Variants in STRBP observed in about 807,000 individuals in gnomAD.
STRBP encodes spermatid perinuclear RNA binding protein.
STRBP carries 13 observed loss-of-function variants against 80.1 expected under a neutral mutation model. That is an observed-to-expected ratio of 0.16 (90% CI 0.11 to 0.26). The LOEUF (loss-of-function observed/expected upper bound fraction) is 0.26, where lower values mean the gene tolerates loss of function less well. STRBP is among the 10% of genes least tolerant of loss of function. STRBP has a pLI of 1.00. For synonymous variants in STRBP, 284 were observed against 291.2 expected (o/e 0.98, Z 0.25); for missense variants, 485 against 815.2 (o/e 0.59, Z 4.93).
rs189751894 is a variant in STRBP, at chr9:123,162,425, C to T, written c.536-1357G>A. On this transcript the variant is annotated intron_variant, in intron 6 of 18. Transcript: ENST00000348403. ...TAGATATGGGATCTCACTATGTTAC[C>T]CAGGCTGGTCTCAAACTCCTGGACT... is the stretch of plus-strand genomic sequence containing the variant. Among the ~76,000 whole-genome samples, 5 of 152,110 alleles carry T rather than the reference C, an allele frequency of 3.3e-5. No individual in the cohort carries two copies. In the East Asian group the frequency reaches 9.7e-4, roughly 29 times the overall value.
intron 17 of STRBP, among the ~76,000 whole-genome samples, chr9:123,129,099 G>A (rs565932742): frequency 2.6e-5 from 4 of 152,308 alleles, no homozygotes; most frequent in African/African-American, 9.6e-5. Flanking sequence ...GCTCATGCCT[G>A]TAATCCCAGC....
chr9:123,133,126 CA>C (rs1371254542), intron 16 of STRBP, among the ~76,000 whole-genome samples, 158 bp from the exon 17 acceptor site: 1 of 152,148 alleles, frequency 6.6e-6, no homozygotes, highest in African/African-American at 2.4e-5. Context: ...ATCTGAAAAA[CA>C]AAAATGATAC....
In STRBP at chr9:123,136,520, A is replaced by G. The variant is rs1261230841; in HGVS notation, c.1498-5T>C. On this transcript the variant is annotated splice_region_variant and splice_polypyrimidine_tract_variant and intron_variant, in intron 14 of 18. Transcript: ENST00000348403. The surrounding 1 kb of genome is among the most constrained non-coding windows in gnomAD (Gnocchi z 4.2). ...GATAGGGCCCTGAGTTCTTACCTAT[A>G]AGAGAAAGGGAATCTGAAGGTTCAA... is the stretch of plus-strand genomic sequence containing the variant. 1 of 1,612,128 alleles carries G rather than the reference A, an allele frequency of 6.2e-7. No individual in the cohort carries two copies. The highest frequency in any genetic ancestry group is 1.3e-5 in the African/African-American group (1 of 74,820).
At chr9:123,228,910 G>GT (rs2040319857) in intron 2 of STRBP, among the ~76,000 whole-genome samples, 2 of 152,140 alleles carry the variant, frequency 1.3e-5, no homozygotes, top group African/African-American at 4.8e-5. Context: ...GGCATTTTTT[G>GT]TAACAGCCAA....
intron 16 of STRBP, among the ~76,000 whole-genome samples, chr9:123,134,249 G>GT (rs2036261320): frequency 6.6e-6 from 1 of 152,170 alleles, no homozygotes; most frequent in African/African-American, 2.4e-5. Flanking sequence ...GCAAGAAAGT[G>GT]GTGCAAAGCC....
intron 2 of STRBP, among the ~76,000 whole-genome samples, chr9:123,225,670 CT>C (rs761006612): frequency 6.6e-6 from 1 of 152,286 alleles, no homozygotes; most frequent in East Asian, 1.9e-4. Flanking sequence ...CTAGCACCCC[CT>C]GATGGTATTG....
chr9:123,203,287 C>T (rs543963993), intron 2 of STRBP, among the ~76,000 whole-genome samples: 1 of 151,494 alleles, frequency 6.6e-6, no homozygotes, highest in African/African-American at 2.4e-5. Flanking sequence ...TTGAGGCTGC[C>T]GTGAGCTATG....
chr9:123,122,170 A>T lies in STRBP; in HGVS notation c.*3427T>A. On this transcript the variant is annotated 3_prime_UTR_variant, in exon 19 of 19. Transcript: ENST00000348403. ...GTCTTAATTGACTATTTTTCTCTTT[A>T]ATCAGAAAATAAAAGAGCTTACCTT... 2.5e-6 allele frequency: 1 copy of T among 396,228 alleles called. No homozygotes were observed. Among genetic ancestry groups the T allele is most frequent in the Non-Finnish European group, 4.1e-6 (1 of 243,980 alleles). The allele number at this position is 396,228 out of a possible 1,614,324, so 24.5% of individuals were successfully genotyped here.
At chr9:123,224,931 T>C (rs1007546548) in intron 2 of STRBP, among the ~76,000 whole-genome samples, 8 of 152,244 alleles carry the variant, frequency 5.3e-5, no homozygotes, top group Admixed American at 1.3e-4. Context: ...CAGTACTTAC[T>C]TGCATTAGTC....
At chr9:123,253,200 A>G (rs1029124447) in intron 1 of STRBP, among the ~76,000 whole-genome samples, 1 of 152,220 alleles carries the variant, frequency 6.6e-6, no homozygotes, top group African/African-American at 2.4e-5. Flanking sequence ...AAAGAGAAGA[A>G]AAAAAGAAAC....
At chr9:123,252,960 G>C (rs866874837) in intron 1 of STRBP, among the ~76,000 whole-genome samples, 1 of 152,122 alleles carries the variant, frequency 6.6e-6, no homozygotes, top group South Asian at 2.1e-4. Context: ...CCTACCAAAA[G>C]TTCTTTCAAA....
chr9:123,147,112 C>A, intron 12 of STRBP, 58 bp from the exon 13 acceptor site: 1 of 1,518,172 alleles, frequency 6.6e-7, no homozygotes, highest in East Asian at 2.3e-5. Context: ...TTGCTTTATG[C>A]GTTTTTGGGG....
intron 2 of STRBP, among the ~76,000 whole-genome samples, chr9:123,234,998 G>C (rs1023100876): frequency 2.4e-4 from 7 of 29,678 alleles, no homozygotes; most frequent in South Asian, 2.7e-3. Context: ...TTTTTTTTTG[G>C]GGGGGGGGGG....
At chr9:123,235,537 A>C (rs1401673799) in intron 2 of STRBP, among the ~76,000 whole-genome samples, 1 of 145,900 alleles carries the variant, frequency 6.9e-6, no homozygotes, top group African/African-American at 2.6e-5. Context: ...GTTATCCCAA[A>C]GACAACTGAA....
chr9:123,206,199 C>T (rs746493398), intron 2 of STRBP, among the ~76,000 whole-genome samples: 6 of 152,158 alleles, frequency 3.9e-5, no homozygotes, highest in African/African-American at 1.2e-4. Context: ...CTATGATACA[C>T]GAGAAATCTG....
intron 11 of STRBP, among the ~76,000 whole-genome samples, chr9:123,153,168 C>T (rs1236685861): frequency 6.6e-6 from 1 of 150,410 alleles, no homozygotes; most frequent in South Asian, 2.1e-4. Flanking sequence ...ATGTCAGCAG[C>T]GAAGAAGCTA....
chr9:123,157,479 GAAGA>G (rs2037339358), intron 11 of STRBP, among the ~76,000 whole-genome samples: 1 of 152,118 alleles, frequency 6.6e-6, no homozygotes, highest in Non-Finnish European at 1.5e-5. Context: ...GAACAGAAGA[GAAGA>G]AAGTCAGTGT....
In STRBP at chr9:123,136,629, CAG is replaced by C. The variant is rs761947745; in HGVS notation, c.1498-116_1498-115del. The C allele has an allele frequency of 1.4e-5, 18 of 1,265,610 alleles. No individual in the cohort carries two copies. Among genetic ancestry groups the C allele is most frequent in the African/African-American group, 4.5e-5 (3 of 66,224 alleles). The allele number at this position is 1,265,610 out of a possible 1,614,324, so 78.4% of individuals were successfully genotyped here. On this transcript the variant is annotated intron_variant, in intron 14 of 18. Transcript: ENST00000348403. This position sits in a 1 kb window ranked among gnomAD's most constrained non-coding sequence, Gnocchi z 4.2. ...CTCAAAAATTCTACTTCAAAGCACT[CAG>C]GGGCTAGAATGAGTCACCTCTTTAC... is the stretch of plus-strand genomic sequence containing the variant.
intron 6 of STRBP, among the ~76,000 whole-genome samples, chr9:123,164,378 C>G (rs988175788): frequency 1.5e-4 from 23 of 152,144 alleles, no homozygotes; most frequent in African/African-American, 5.6e-4. Context: ...ATCTATTACT[C>G]AGTAACCTAG....
Sources: gnomAD v4.1 joint callset for allele counts (sites outside exome capture counted in the v4.1 genomes callset) on GRCh38, gnomAD v4.1.1 for gene constraint, Gnocchi (gnomAD v3.1) non-coding constraint, MANE v1.5 for transcripts, NCBI Gene and HGNC (gene_info 2026-07-23, HGNC 2026-07-21) for gene names.